Variants in MITF observed in about 807,000 individuals in gnomAD.
The protein encoded by MITF is melanocyte inducing transcription factor, also known as microphthalmia-associated transcription factor.
A neutral mutation model predicts 60.5 loss-of-function variants in MITF; 17 were observed. That is an observed-to-expected ratio of 0.28 (90% CI 0.19 to 0.42). The LOEUF (loss-of-function observed/expected upper bound fraction) is 0.42. Ranked by LOEUF, MITF falls within the 10% of genes least tolerant of loss-of-function variation. The pLI is 1.00. For missense variants in MITF, 622 were observed against 683.5 expected (o/e 0.91, Z 1.00); for synonymous variants, 260 against 248.5 (o/e 1.05, Z -0.43).
chr3:69,908,103 G>C (rs1193922261), intron 2 of MITF, among the ~76,000 whole-genome samples: 1 of 150,990 alleles, frequency 6.6e-6, no homozygotes, highest in East Asian at 1.9e-4. Flanking sequence ...TTTTGATCTT[G>C]CTATAGAATC....
At chr3:69,939,667 A>G (rs2065925575) in intron 4 of MITF, among the ~76,000 whole-genome samples, 1 of 152,168 alleles carries the variant, frequency 6.6e-6, no homozygotes, top group Non-Finnish European at 1.5e-5. Context: ...TAATGGATAT[A>G]TAAATTATGC....
At chr3:69,904,785 A>C (rs1346332593) in intron 2 of MITF, among the ~76,000 whole-genome samples, 1 of 152,158 alleles carries the variant, frequency 6.6e-6, no homozygotes, top group African/African-American at 2.4e-5. Context: ...GTTCATAGAC[A>C]GAGAAAAAAA....
At chr3:69,761,221 C>T (rs1413748409) in intron 1 of MITF, among the ~76,000 whole-genome samples, 2 of 152,014 alleles carry the variant, frequency 1.3e-5, no homozygotes, top group Non-Finnish European at 2.9e-5. Context: ...GAAACAGAAA[C>T]ATCAGGAATT....
intron 1 of MITF, among the ~76,000 whole-genome samples, chr3:69,741,287 T>C (rs1703520231): frequency 6.6e-6 from 1 of 152,210 alleles, no homozygotes; most frequent in Admixed American, 6.5e-5. Context: ...AGTGTTTTAC[T>C]GGGCAGTCTC....
intron 1 of MITF, among the ~76,000 whole-genome samples, chr3:69,760,262 A>G (rs953423209): frequency 6.6e-6 from 1 of 152,206 alleles, no homozygotes; most frequent in African/African-American, 2.4e-5. Flanking sequence ...ATTATGGACC[A>G]TTGCTGAAAA....
intron 1 of MITF, among the ~76,000 whole-genome samples, chr3:69,767,101 G>C (rs1226952026): frequency 6.6e-6 from 1 of 152,128 alleles, no homozygotes; most frequent in Admixed American, 6.5e-5. Flanking sequence ...AGTGGAGTAA[G>C]ATATGAAGAT....
chr3:69,897,522 A>G (rs1247056116), intron 2 of MITF, among the ~76,000 whole-genome samples: 1 of 152,218 alleles, frequency 6.6e-6, no homozygotes, highest in Non-Finnish European at 1.5e-5. Context: ...GTAAAGTTTT[A>G]TTAGAATACA....
At chr3:69,877,413 ATTC>A (rs2064379898) in intron 1 of MITF, among the ~76,000 whole-genome samples, 1 of 151,700 alleles carries the variant, frequency 6.6e-6, no homozygotes, top group South Asian at 2.1e-4. Flanking sequence ...GAGTAACATT[ATTC>A]TTATGCTTTT....
chr3:69,903,641 T>A (rs1053903805), intron 2 of MITF, among the ~76,000 whole-genome samples: 16 of 151,740 alleles, frequency 1.1e-4, no homozygotes, highest in Admixed American at 8.5e-4. Context: ...TTGGCCTTTT[T>A]AAAAAAAAAT....
In MITF at chr3:69,949,247, G is replaced by A. The variant is rs576832925; in HGVS notation, c.880+79G>A. 46 of 1,067,654 alleles carry A rather than the reference G, an allele frequency of 4.3e-5. No individual in the cohort carries two copies. The South Asian group carries it at 4.8e-4, about 11-fold the overall frequency. 66.1% of individuals were successfully genotyped at this position (1,067,654 alleles called of 1,614,324 possible). On this transcript the variant is annotated intron_variant, in intron 6 of 9. Coordinates refer to ENST00000352241, the MANE Select transcript of MITF (RefSeq NM_001354604.2). ...AAGACAAAGTTATTGATATAGTGAT[G>A]TGCAAACTATATCCAACTCATGGAC...
intron 2 of MITF, among the ~76,000 whole-genome samples, chr3:69,935,164 T>C (rs577911751): frequency 1.3e-5 from 2 of 152,342 alleles, no homozygotes; most frequent in East Asian, 3.9e-4. Flanking sequence ...CAGCTGGAGA[T>C]GTTCTGTCTA....
chr3:69,798,426 T>G (rs918591788), intron 1 of MITF, among the ~76,000 whole-genome samples: 1 of 152,194 alleles, frequency 6.6e-6, no homozygotes, highest in Non-Finnish European at 1.5e-5. Flanking sequence ...CATTCAGAGT[T>G]GTTGTGAGGA....
intron 1 of MITF, among the ~76,000 whole-genome samples, chr3:69,810,639 A>G (rs2063086357): frequency 6.6e-6 from 1 of 152,220 alleles, no homozygotes. Context: ...CTTTAAGTCT[A>G]CTAGTCTTAG....
intron 2 of MITF, chr3:69,936,509 G>C: frequency 8.7e-7 from 1 of 1,147,738 alleles, no homozygotes; most frequent in East Asian, 2.8e-5. Flanking sequence ...CCAAAAAAAA[G>C]GCCCTTATGT....
At chr3:69,925,579 A>T (rs2065567024) in intron 2 of MITF, among the ~76,000 whole-genome samples, 1 of 152,200 alleles carries the variant, frequency 6.6e-6, no homozygotes, top group African/African-American at 2.4e-5. Context: ...CTTTATTAAA[A>T]CATCTCAATG....
chr3:69,784,684 G>A (rs1324919027), intron 1 of MITF, among the ~76,000 whole-genome samples: 1 of 152,060 alleles, frequency 6.6e-6, no homozygotes, highest in Admixed American at 6.6e-5. Flanking sequence ...TCTAATCCAT[G>A]GTAGATAACT....
At chr3:69,922,238 T>C (rs1031585271) in intron 2 of MITF, among the ~76,000 whole-genome samples, 2 of 152,220 alleles carry the variant, frequency 1.3e-5, no homozygotes, top group African/African-American at 4.8e-5. Flanking sequence ...TTGCTTTTTT[T>C]TTCAGACGGA....
intron 1 of MITF, among the ~76,000 whole-genome samples, chr3:69,779,652 G>A (rs17006426): frequency 0.022 from 3,347 of 151,916 alleles, 110 homozygotes; most frequent in African/African-American, 0.075. Flanking sequence ...AAAAATTCAC[G>A]GAAACTTAAT....
In MITF at chr3:69,949,091, A is replaced by G. The variant is rs977085762; in HGVS notation, c.803A>G (p.Gln268Arg). 1.9e-6 allele frequency: 3 copies of G among 1,613,652 alleles called. No homozygotes were observed. Among genetic ancestry groups the G allele is most frequent in the Non-Finnish European group, 1.7e-6 (2 of 1,179,866 alleles). Residue 268 changes from glutamine (Q) to arginine (R), a missense_variant, in exon 6 of 10, where the codon CAA (glutamine) becomes CGA (arginine). Gln to Arg is a conservative substitution (Grantham distance 43, BLOSUM62 1). Coordinates refer to ENST00000352241, the MANE Select transcript of MITF (RefSeq NM_001354604.2). ...AACTTGATTGATCTTTATGGAAACCAAGGTCTGCCCCCACCAGGCCTCACC... is the reference window on the plus strand; with the variant it reads ...AACTTGATTGATCTTTATGGAAACCGAGGTCTGCCCCCACCAGGCCTCACC... ...SGNLIDLYGN[Q>R]GLPPPGLTIS...
Sources: gnomAD v4.1 joint callset for allele counts (sites outside exome capture counted in the v4.1 genomes callset) on GRCh38, gnomAD v4.1.1 for gene constraint, MANE v1.5 for transcripts, NCBI Gene and HGNC (gene_info 2026-07-23, HGNC 2026-07-21) for gene names.